ASB4: variants seen among roughly 807,000 people sequenced by gnomAD.
ASB4 encodes ankyrin repeat and SOCS box protein 4.
ASB4 carries 35 observed loss-of-function variants against 38.6 expected under a neutral mutation model. That is an observed-to-expected ratio of 0.91 (90% CI 0.69 to 1.20). The LOEUF is 1.20. Ranked by LOEUF, ASB4 falls within the 50% of genes most tolerant of loss-of-function variation. The probability of loss-of-function intolerance (pLI) is 0.00; values close to 1 mark genes in which losing one functional copy is unlikely to be tolerated. For missense variants in ASB4, 557 were observed against 527.2 expected, an observed-to-expected ratio of 1.06 and a Z score of -0.55; for synonymous variants, 195 against 201.3, an observed-to-expected ratio of 0.97 and a Z score of 0.26.
chr7:95,510,689 C>G (rs1790467516), intron 2 of ASB4, among the ~76,000 whole-genome samples: 2 of 152,184 alleles, frequency 1.3e-5, no homozygotes, highest in Non-Finnish European at 2.9e-5. Flanking sequence ...AAGTAGTAAT[C>G]ACAGCCTTCT....
chr7:95,502,194 C>T (rs1008690362), intron 2 of ASB4, among the ~76,000 whole-genome samples: 3 of 151,750 alleles, frequency 2.0e-5, no homozygotes, highest in Non-Finnish European at 2.9e-5. Context: ...AAAGAAAAAT[C>T]ATATAAACAG....
chr7:95,518,132 C>G (rs950060865), intron 2 of ASB4, among the ~76,000 whole-genome samples: 2 of 152,180 alleles, frequency 1.3e-5, no homozygotes, highest in African/African-American at 4.8e-5. Flanking sequence ...CCCACAGAAA[C>G]TCAATTCAGC....
intron 2 of ASB4, among the ~76,000 whole-genome samples, chr7:95,510,251 T>C (rs1490090042): frequency 6.6e-6 from 1 of 152,188 alleles, no homozygotes; most frequent in Non-Finnish European, 1.5e-5. Flanking sequence ...ATTCTGTCGT[T>C]TTCTAACATG....
chr7:95,501,211 G>A (rs1043236106), intron 2 of ASB4, among the ~76,000 whole-genome samples: 12 of 152,132 alleles, frequency 7.9e-5, no homozygotes, highest in African/African-American at 2.9e-4. Flanking sequence ...AGCAAATCCT[G>A]ACAGTAGGAG....
intron 3 of ASB4, 67 bp from the exon 4 acceptor site, chr7:95,536,370 T>C (rs1288151308): frequency 1.9e-6 from 2 of 1,030,630 alleles, no homozygotes; most frequent in Non-Finnish European, 1.5e-6. Context: ...TCTTGATGTC[T>C]CTGTGAGCAG....
chr7:95,541,566 G>A (rs985268229), downstream of ASB4, among the ~76,000 whole-genome samples: 9 of 152,130 alleles, frequency 5.9e-5, no homozygotes, highest in African/African-American at 2.2e-4. Context: ...ACCTTCCTGG[G>A]CTTTTTTGAG....
rs1326869283 is a variant in ASB4 at position 95,539,023 on chromosome 7, A to T, written c.*1264A>T. 1 of 152,098 alleles carries T rather than the reference A, an allele frequency of 6.6e-6. No individual in the cohort carries two copies. Among genetic ancestry groups the T allele is most frequent in the Non-Finnish European group, 1.5e-5 (1 of 68,004 alleles). The allele number at this position is 152,098 out of a possible 1,614,324, so 9.4% of individuals were successfully genotyped here. ...GATTGCAGAAAGAAAAATGTAGGTG[A>T]TTAAGCTCTGGGCCTTGTGGTTTAT... On this transcript the variant is annotated 3_prime_UTR_variant, in exon 5 of 5. Transcript: ENST00000325885.
intron 2 of ASB4, 127 bp from the exon 3 acceptor site, chr7:95,527,686 G>A: frequency 1.1e-6 from 1 of 949,822 alleles, no homozygotes; most frequent in Non-Finnish European, 1.5e-6. Flanking sequence ...AAGGGGTTGA[G>A]GGTTGGGGAT....
At chr7:95,496,777 G>A (rs759310564) in intron 2 of ASB4, among the ~76,000 whole-genome samples, 3 of 152,152 alleles carry the variant, frequency 2.0e-5, no homozygotes, top group Non-Finnish European at 4.4e-5. Flanking sequence ...GATCCCAAGA[G>A]GTCAAGGCTG....
At chr7:95,506,017 C>T (rs955148559) in intron 2 of ASB4, among the ~76,000 whole-genome samples, 4 of 152,016 alleles carry the variant, frequency 2.6e-5, no homozygotes, top group Admixed American at 6.6e-5. Context: ...CCTCAGCCTC[C>T]CAAGTAGCTG....
chr7:95,516,318 C>T (rs569176371), intron 2 of ASB4, among the ~76,000 whole-genome samples: 27 of 152,186 alleles, frequency 1.8e-4, no homozygotes, highest in African/African-American at 6.3e-4. Context: ...TCTATGGTTA[C>T]TTTGCAAAAT....
downstream of ASB4, chr7:95,542,266 A>G (rs942061730): frequency 7.9e-5 from 12 of 152,178 alleles, no homozygotes; most frequent in African/African-American, 2.9e-4. Flanking sequence ...TTTTTAAAAA[A>G]ATTAGATGCT....
At chr7:95,523,152 A>C (rs1026417815) in intron 2 of ASB4, among the ~76,000 whole-genome samples, 2 of 152,192 alleles carry the variant, frequency 1.3e-5, no homozygotes, top group African/African-American at 4.8e-5. Flanking sequence ...AATTTTAAAC[A>C]TTTTTTTAAC....
At chr7:95,486,573 G>C (rs947758788) in intron 1 of ASB4, among the ~76,000 whole-genome samples, 3 of 152,184 alleles carry the variant, frequency 2.0e-5, no homozygotes, top group Admixed American at 1.3e-4. Context: ...GCTACTTAAA[G>C]ATATATCCTC....
chr7:95,501,313 A>G (rs561617204), intron 2 of ASB4, among the ~76,000 whole-genome samples: 1 of 152,298 alleles, frequency 6.6e-6, no homozygotes, highest in South Asian at 2.1e-4. Flanking sequence ...CATGCCTTTT[A>G]AAAGACTGTT....
intron 3 of ASB4, among the ~76,000 whole-genome samples, chr7:95,532,752 G>A (rs1269544947): frequency 1.3e-5 from 2 of 152,138 alleles, no homozygotes; most frequent in Non-Finnish European, 2.9e-5. Flanking sequence ...CATGCTTTTG[G>A]GGGTTGGATG....
At chr7:95,506,113 A>G (rs937928210) in intron 2 of ASB4, among the ~76,000 whole-genome samples, 1 of 152,156 alleles carries the variant, frequency 6.6e-6, no homozygotes, top group Non-Finnish European at 1.5e-5. Context: ...TGATGAGGCT[A>G]GTCTCCAACT....
At chr7:95,474,236 T>C (rs1789953722), upstream of ASB4, among the ~76,000 whole-genome samples, 1 of 152,234 alleles carries the variant, frequency 6.6e-6, no homozygotes, top group South Asian at 2.1e-4. Context: ...TTAATAATTG[T>C]CTCTGCCATT....
chr7:95,487,242 T>G (rs1790104016), intron 1 of ASB4, among the ~76,000 whole-genome samples: 1 of 152,190 alleles, frequency 6.6e-6, no homozygotes, highest in African/African-American at 2.4e-5. Flanking sequence ...CTCAAGGGCT[T>G]TATAATATTT....
Sources: gnomAD v4.1 joint callset for allele counts (sites outside exome capture counted in the v4.1 genomes callset) on GRCh38, gnomAD v4.1.1 for gene constraint, MANE v1.5 for transcripts, NCBI Gene and HGNC (gene_info 2026-07-23, HGNC 2026-07-21) for gene names.